Variants in TTC28 observed in about 807,000 individuals in gnomAD.
The protein encoded by TTC28 is tetratricopeptide repeat domain 28.
TTC28 carries 61 observed loss-of-function variants against 198.0 expected under a neutral mutation model. The ratio of observed to expected loss-of-function variants is 0.31; its 90% confidence interval spans 0.25 to 0.38. The LOEUF (loss-of-function observed/expected upper bound fraction) is 0.38. Ranked by LOEUF, TTC28 falls within the 10% of genes least tolerant of loss-of-function variation. The pLI, the probability that TTC28 is intolerant of heterozygous loss-of-function variation, is 1.00. For missense variants in TTC28, 2,678 were observed against 3,164.0 expected (o/e 0.85, Z 3.69); for synonymous variants, 1,171 against 1,297.8 (o/e 0.90, Z 2.10).
chr22:27,992,975 G>A (rs535355125), intron 18 of TTC28: 87 of 545,524 alleles, frequency 1.6e-4, no homozygotes, highest in East Asian at 6.7e-4. Context: ...CAGCTTCATC[G>A]GGGCCACAGC....
At chr22:28,553,211 C>T (rs1266131023) in intron 2 of TTC28, among the ~76,000 whole-genome samples, 1 of 151,978 alleles carries the variant, frequency 6.6e-6, no homozygotes, top group South Asian at 2.1e-4. Context: ...GCCGCCACCC[C>T]GTCTGGGAAG....
intron 12 of TTC28, among the ~76,000 whole-genome samples, chr22:28,078,279 C>T (rs1447169527): frequency 6.6e-6 from 1 of 152,116 alleles, no homozygotes; most frequent in Non-Finnish European, 1.5e-5. Flanking sequence ...ATAAAGGTGT[C>T]TCCCAAGGCA....
rs547597455 is a variant in TTC28, at chr22:28,218,394, T to C, written c.934-54795A>G. Reference sequence around the variant, plus strand: ...AAGCTCTCACAGTCACGGTGGTAAATACAAGTTTCCCCAAACTCTATCTTT... The same window carrying C: ...AAGCTCTCACAGTCACGGTGGTAAACACAAGTTTCCCCAAACTCTATCTTT... On this transcript the variant is annotated intron_variant, in intron 5 of 22. Coordinates refer to ENST00000397906, the MANE Select transcript of TTC28 (RefSeq NM_001145418.2). Among the ~76,000 whole-genome samples, 21 of 152,298 alleles carry C rather than the reference T, an allele frequency of 1.4e-4. No homozygotes were observed. In the South Asian group the frequency reaches 3.9e-3, roughly 29 times the overall value.
At chr22:28,167,773 C>T (rs1301804439) in intron 5 of TTC28, among the ~76,000 whole-genome samples, 1 of 152,140 alleles carries the variant, frequency 6.6e-6, no homozygotes, top group African/African-American at 2.4e-5. Flanking sequence ...GACAGGGATG[C>T]CCTCTCTCAC....
At position 28,078,261 on chromosome 22, in the gene TTC28, G is replaced by T. The variant is rs896847886; in HGVS notation, c.3932+15819C>A. ...CAAGGACACCATGGCTAGGCTGCGG[G>T]TAATTGAATAAAGGTGTCTCCCAAG... is the stretch of plus-strand genomic sequence containing the variant. On this transcript the variant is annotated intron_variant, in intron 12 of 22. Transcript: ENST00000397906. Among the ~76,000 whole-genome samples the T allele has an allele frequency of 2.6e-5, 4 of 152,160 alleles. No homozygotes were observed. In the South Asian group the frequency reaches 8.3e-4, roughly 32 times the overall value.
intron 2 of TTC28, among the ~76,000 whole-genome samples, chr22:28,325,972 C>T (rs62237585): frequency 6.6e-6 from 1 of 152,050 alleles, no homozygotes; most frequent in African/African-American, 2.4e-5. Flanking sequence ...ACCCAGCAAT[C>T]CCACTCCTAG....
At chr22:28,504,857 T>C (rs2048585861) in intron 2 of TTC28, among the ~76,000 whole-genome samples, 1 of 152,226 alleles carries the variant, frequency 6.6e-6, no homozygotes, top group African/African-American at 2.4e-5. Context: ...CTATGAGCTA[T>C]AATTTAAACA....
chr22:28,621,693 T>C (rs2051000513), intron 2 of TTC28, among the ~76,000 whole-genome samples: 1 of 141,218 alleles, frequency 7.1e-6, no homozygotes, highest in South Asian at 2.2e-4. Context: ...TAGTGAGCCA[T>C]GATGGCACTG....
intron 2 of TTC28, among the ~76,000 whole-genome samples, chr22:28,562,719 C>G (rs2049906106): frequency 6.6e-6 from 1 of 152,134 alleles, no homozygotes; most frequent in Non-Finnish European, 1.5e-5. Flanking sequence ...AGCTAAACAA[C>G]CAGCTCACAA....
At chr22:28,216,524 G>A (rs1927416411) in intron 5 of TTC28, among the ~76,000 whole-genome samples, 1 of 152,014 alleles carries the variant, frequency 6.6e-6, no homozygotes, top group Non-Finnish European at 1.5e-5. Flanking sequence ...TATCATCTTT[G>A]CTACACGTAA....
chr22:28,369,194 C>T (rs1319657939), intron 2 of TTC28, among the ~76,000 whole-genome samples: 1 of 152,134 alleles, frequency 6.6e-6, no homozygotes. Context: ...CACTACAGAA[C>T]TATAGTAACC....
chr22:28,259,035 G>GGTA (rs1931144660), intron 5 of TTC28, among the ~76,000 whole-genome samples: 1 of 152,060 alleles, frequency 6.6e-6, no homozygotes, highest in South Asian at 2.1e-4. Context: ...GTACTGCTGT[G>GGTA]GTAGTGGGAA....
intron 5 of TTC28, among the ~76,000 whole-genome samples, chr22:28,289,876 T>C (rs1166610630): frequency 1.3e-5 from 2 of 151,900 alleles, no homozygotes; most frequent in Non-Finnish European, 2.9e-5. Context: ...AAATAAAAAT[T>C]AGCTGGGCGT....
chr22:28,146,137 C>T (rs1489351969), intron 6 of TTC28, among the ~76,000 whole-genome samples: 1 of 151,926 alleles, frequency 6.6e-6, no homozygotes, highest in Non-Finnish European at 1.5e-5. Flanking sequence ...TATAACAACA[C>T]TGTAAAAGCC....
chr22:28,529,369 A>C (rs2049080998), intron 2 of TTC28, among the ~76,000 whole-genome samples: 1 of 152,192 alleles, frequency 6.6e-6, no homozygotes, highest in South Asian at 2.1e-4. Flanking sequence ...ACGGGCGCCC[A>C]CCATTGCTGA....
intron 12 of TTC28, among the ~76,000 whole-genome samples, chr22:28,081,854 T>G (rs1327155060): frequency 1.3e-5 from 2 of 152,210 alleles, no homozygotes; most frequent in Non-Finnish European, 2.9e-5. Flanking sequence ...GTATGGATGC[T>G]TTTTAACAAT....
chr22:28,434,844 G>A (rs1444548160), intron 2 of TTC28, among the ~76,000 whole-genome samples: 1 of 152,010 alleles, frequency 6.6e-6, no homozygotes, highest in Non-Finnish European at 1.5e-5. Context: ...ACTCTACCAG[G>A]CCCCTATTCC....
intron 2 of TTC28, among the ~76,000 whole-genome samples, chr22:28,453,784 G>A (rs1040145620): frequency 6.6e-6 from 1 of 152,160 alleles, no homozygotes; most frequent in Admixed American, 6.5e-5. Flanking sequence ...TGCCTCTTGT[G>A]ACCCAGTCTC....
rs1027082664 is a variant in TTC28 at position 28,205,986 on chromosome 22, G to C, written c.934-42387C>G. On this transcript the variant is annotated intron_variant, in intron 5 of 22. Coordinates refer to ENST00000397906, the MANE Select transcript of TTC28 (RefSeq NM_001145418.2). ...GCTGCACAAAACCCTATGTAGCCAT[G>C]GGGTGTCAAAAAAAAAAAAAAGGAG... is the stretch of plus-strand genomic sequence containing the variant. 6.1e-5 allele frequency among the ~76,000 whole-genome samples: 9 copies of C among 147,962 alleles called. No individual in the cohort carries two copies. In the South Asian group the frequency reaches 1.3e-3, roughly 22 times the overall value.
Sources: gnomAD v4.1 joint callset for allele counts (sites outside exome capture counted in the v4.1 genomes callset) on GRCh38, gnomAD v4.1.1 for gene constraint, MANE v1.5 for transcripts, NCBI Gene and HGNC (gene_info 2026-07-23, HGNC 2026-07-21) for gene names.